DCLK2: variants seen among roughly 807,000 people sequenced by gnomAD.
DCLK2 encodes serine/threonine-protein kinase DCLK2.
In DCLK2, 31 loss-of-function variants were observed where a neutral mutation model predicts 78.4. The observed-to-expected ratio is 0.40, with a 90% CI of 0.30 to 0.53. The LOEUF is 0.53. DCLK2 is among the 20% of genes least tolerant of loss of function. The pLI is 0.61. For missense variants in DCLK2, 872 were observed against 973.7 expected (o/e 0.90, Z 1.39); for synonymous variants, 407 against 374.9 (o/e 1.09, Z -0.99).
Position 150,154,276 on chromosome 4 carries a change from G to A in DCLK2, c.757-38862G>A, listed in dbSNP as rs1413387945. On this transcript the variant is annotated intron_variant, in intron 2 of 15. Coordinates refer to ENST00000296550, the MANE Select transcript of DCLK2 (RefSeq NM_001040260.4). ...GAGTGTCCTTTAGTTACTGTTTCCC[G>A]CTCCACTAGACTGTGAGCTCCTTGA... Among the ~76,000 whole-genome samples the A allele has an allele frequency of 4.6e-5, 7 of 152,200 alleles. No individual in the cohort carries two copies. The East Asian group carries it at 5.8e-4, about 13-fold the overall frequency.
chr4:150,105,677 G>A (rs915080470), intron 2 of DCLK2, among the ~76,000 whole-genome samples: 3 of 151,870 alleles, frequency 2.0e-5, no homozygotes, highest in Non-Finnish European at 4.4e-5. Flanking sequence ...TTTCATCCCA[G>A]CATAAAAGCA....
At chr4:150,131,073 A>G (rs1306660718) in intron 2 of DCLK2, among the ~76,000 whole-genome samples, 2 of 152,060 alleles carry the variant, frequency 1.3e-5, no homozygotes, top group African/African-American at 4.8e-5. Flanking sequence ...CCCAGGCTGG[A>G]GTGCAGTGGT....
chr4:150,221,781 G>T lies in DCLK2; in HGVS notation c.1237G>T (p.Asp413Tyr), dbSNP rs1227995445. 6 of 1,563,656 alleles carry T rather than the reference G, an allele frequency of 3.8e-6. No homozygotes were observed. The South Asian group carries it at 5.9e-5, about 15-fold the overall frequency. Residue 413 changes from aspartate (D) to tyrosine (Y), a missense_variant, in exon 7 of 16, where the codon GAC becomes TAC. This residue lies in a region of DCLK2 where 567 missense variants were observed against 593.4 expected (regional missense o/e 0.96). Transcript: ENST00000296550. ...TTTTGCAGTAGTCAAAGAGTGTATA[G>T]ACAGGTGAGTGGACAGTGAGGATAA... ...GNFAVVKECI[D>Y]RSTGKEFALK...
chr4:150,250,873 C>CCCCCACACT (rs1351083221), intron 15 of DCLK2, among the ~76,000 whole-genome samples: 1 of 93,852 alleles, frequency 1.1e-5, no homozygotes, highest in African/African-American at 3.7e-5. Context: ...CCCCCAACAT[C>CCCCCACACT]CCCCACACTC....
intron 1 of DCLK2, among the ~76,000 whole-genome samples, chr4:150,098,916 A>T (rs1730674391): frequency 6.6e-6 from 1 of 151,944 alleles, no homozygotes; most frequent in Non-Finnish European, 1.5e-5. Context: ...GGCTGTCTCA[A>T]ACTCCTGACC....
chr4:150,178,855 A>G (rs1373743623), intron 2 of DCLK2, among the ~76,000 whole-genome samples: 1 of 152,168 alleles, frequency 6.6e-6, no homozygotes, highest in Admixed American at 6.5e-5. Flanking sequence ...AACTTGAAAT[A>G]TCTCTTTCTA....
intron 2 of DCLK2, among the ~76,000 whole-genome samples, chr4:150,111,073 G>C (rs1465404495): frequency 6.6e-6 from 1 of 152,118 alleles, no homozygotes. Context: ...GTTTTCCATA[G>C]AGGTTGTACT....
chr4:150,153,602 C>T (rs898240335), intron 2 of DCLK2, among the ~76,000 whole-genome samples: 10 of 151,672 alleles, frequency 6.6e-5, no homozygotes, highest in Non-Finnish European at 1.0e-4. Flanking sequence ...TTAGTAGAGA[C>T]GGGGTTTTTT....
At chr4:150,227,895 T>G (rs1741733665) in intron 8 of DCLK2, among the ~76,000 whole-genome samples, 1 of 152,198 alleles carries the variant, frequency 6.6e-6, no homozygotes, top group East Asian at 1.9e-4. Flanking sequence ...TGGGAATAAA[T>G]TACCACAAAC....
At chr4:150,222,404 A>T (rs1741251379) in intron 7 of DCLK2, among the ~76,000 whole-genome samples, 1 of 152,176 alleles carries the variant, frequency 6.6e-6, no homozygotes, top group Admixed American at 6.5e-5. Flanking sequence ...TTTTAAGAAC[A>T]TCTCCTATAT....
chr4:150,174,769 G>A (rs1736822576), intron 2 of DCLK2, among the ~76,000 whole-genome samples: 1 of 151,298 alleles, frequency 6.6e-6, no homozygotes, highest in African/African-American at 2.4e-5. Flanking sequence ...GGCTGAGGCA[G>A]GTGGATCACC....
chr4:150,091,121 C>T (rs1452770754), intron 1 of DCLK2, among the ~76,000 whole-genome samples: 1 of 152,144 alleles, frequency 6.6e-6, no homozygotes, highest in African/African-American at 2.4e-5. Flanking sequence ...TTTTCTTACT[C>T]TGTATTTTTT....
chr4:150,096,181 C>G (rs12503886), intron 1 of DCLK2, among the ~76,000 whole-genome samples: 1 of 151,934 alleles, frequency 6.6e-6, no homozygotes, highest in Non-Finnish European at 1.5e-5. Flanking sequence ...CAAAGTCAAC[C>G]GTTCTGCCAA....
At chr4:150,153,252 G>C (rs1055140105) in intron 2 of DCLK2, among the ~76,000 whole-genome samples, 1 of 152,116 alleles carries the variant, frequency 6.6e-6, no homozygotes. Flanking sequence ...TTTAAGGGAG[G>C]CCAGAACCAG....
At chr4:150,143,943 C>T (rs1349759172) in intron 2 of DCLK2, among the ~76,000 whole-genome samples, 1 of 151,414 alleles carries the variant, frequency 6.6e-6, no homozygotes, top group Non-Finnish European at 1.5e-5. Context: ...GGATATTAGT[C>T]GTTTGCCAGA....
At chr4:150,085,875 C>T (rs189877873) in intron 1 of DCLK2, among the ~76,000 whole-genome samples, 41 of 152,278 alleles carry the variant, frequency 2.7e-4, no homozygotes, top group Non-Finnish European at 1.0e-4. Flanking sequence ...GCGACTTGAA[C>T]GGACTAATAC....
At position 150,131,918 on chromosome 4, in the gene DCLK2, G is replaced by A. The variant is rs1321233328; in HGVS notation, c.756+29106G>A. ...TGGCTATGTAATTGTGGGACACAGTGTAAAATGGAAATGCAGACCCCTTGT... is the reference window on the plus strand; with the variant it reads ...TGGCTATGTAATTGTGGGACACAGTATAAAATGGAAATGCAGACCCCTTGT... On this transcript the variant is annotated intron_variant, in intron 2 of 15. Transcript: ENST00000296550. 1.3e-5 allele frequency among the ~76,000 whole-genome samples: 2 copies of A among 152,116 alleles called. 1 individual carries two copies. The highest frequency in any genetic ancestry group is 4.8e-5 in the African/African-American group (2 of 41,376).
intron 8 of DCLK2, among the ~76,000 whole-genome samples, chr4:150,225,206 AG>A (rs1580751196): frequency 1.3e-5 from 2 of 152,244 alleles, no homozygotes; most frequent in African/African-American, 4.8e-5. Flanking sequence ...TTTGCCCGTA[AG>A]GGAGACTCAT....
chr4:150,156,740 A>AT lies in DCLK2; in HGVS notation c.757-36394dup, dbSNP rs1309900372. Among the ~76,000 whole-genome samples, 3 of 139,450 alleles carry AT rather than the reference A, an allele frequency of 2.2e-5. No homozygotes were observed. The Admixed American group carries it at 2.2e-4, about 10-fold the overall frequency. The allele number at this position is 139,450 out of a possible 152,430, so 91.5% of individuals were successfully genotyped here. ...TGTATATAGGTTTTAGGGAGTAACT[A>AT]TTTTATTTATTTATTTATTTATTTA... On this transcript the variant is annotated intron_variant, in intron 2 of 15. Coordinates refer to ENST00000296550, the MANE Select transcript of DCLK2 (RefSeq NM_001040260.4).
Sources: allele counts gnomAD v4.1 joint callset (sites outside exome capture counted in the v4.1 genomes callset), GRCh38; gene constraint gnomAD v4.1.1; regional missense constraint gnomAD v4.1.1; transcripts MANE v1.5; gene names NCBI Gene and HGNC (gene_info 2026-07-23, HGNC 2026-07-21).